The following GRID2IP variants were observed in gnomAD, a reference collection of about 807,000 sequenced individuals.
GRID2IP encodes the protein Grid2 interacting protein, also known as delphilin.
GRID2IP carries 78 observed loss-of-function variants against 114.3 expected under a neutral mutation model. The ratio of observed to expected loss-of-function variants is 0.68; its 90% CI spans 0.57 to 0.82. The LOEUF is 0.82. Ranked by LOEUF, GRID2IP falls within the 40% of genes least tolerant of loss-of-function variation. The pLI is 0.00. For synonymous variants in GRID2IP, 809 were observed against 724.0 expected, an observed-to-expected ratio of 1.12 and a Z score of -1.89; for missense variants, 1,727 against 1,678.5, an observed-to-expected ratio of 1.03 and a Z score of -0.51.
At position 6,498,113 on chromosome 7, in the gene GRID2IP, G is replaced by A. The variant is rs1313053151; in HGVS notation, c.3515C>T (p.Thr1172Ile). The change falls in exon 21 of 22, where the codon ACC becomes ATC. Residue 1172 changes from threonine to isoleucine, a missense_variant. By Grantham distance (89) the Thr-to-Ile change is moderately conservative. Coordinates refer to ENST00000457091, the MANE Select transcript of GRID2IP (RefSeq NM_001145118.2). ...AAAGATGCCGAAGAAAGCCTCAGAG[G>A]TGGTGGCCTTGGAATCCTCCCCAAA... ...AFFGEDSKATTSEAFFGIFAE... is the reference protein window; with the variant it reads ...AFFGEDSKATISEAFFGIFAE... The A allele has an allele frequency of 1.3e-6, 2 of 1,551,724 alleles. No individual in the cohort carries two copies. The highest frequency in any genetic ancestry group is 1.7e-6 in the Non-Finnish European group (2 of 1,146,978).
intron 7 of GRID2IP, among the ~76,000 whole-genome samples, chr7:6,517,104 G>C (rs1464130238): frequency 1.3e-5 from 2 of 151,054 alleles, no homozygotes; most frequent in African/African-American, 2.4e-5. Context: ...ACCCAGGCTG[G>C]AGTGCAGTGG....
chr7:6,531,681 G>C (rs1469230269), intron 2 of GRID2IP, among the ~76,000 whole-genome samples: 1 of 152,230 alleles, frequency 6.6e-6, no homozygotes, highest in African/African-American at 2.4e-5. Flanking sequence ...GGCTGTGGCC[G>C]AGAAGAGGCT....
intron 1 of GRID2IP, among the ~76,000 whole-genome samples, chr7:6,548,437 T>C (rs763690624): frequency 1.3e-5 from 2 of 152,186 alleles, no homozygotes; most frequent in African/African-American, 2.4e-5. Context: ...TACCCCATTC[T>C]CCATGACATG....
At chr7:6,503,245 G>A (rs2115353720) in intron 16 of GRID2IP, 82 bp from the exon 17 acceptor site, 2 of 1,124,340 alleles carry the variant, frequency 1.8e-6, no homozygotes, top group Non-Finnish European at 2.5e-6. Flanking sequence ...GTGGGAGGGG[G>A]GGATCTGCTG....
rs1424473609 is a variant in GRID2IP, at chr7:6,526,886, A to C, written c.585-117T>G. 1.4e-5 allele frequency: 17 copies of C among 1,177,176 alleles called. No individual in the cohort carries two copies. The highest frequency in any genetic ancestry group is 1.6e-5 in the Non-Finnish European group (14 of 901,242). 72.9% of individuals were successfully genotyped at this position (1,177,176 alleles called of 1,614,324 possible). A position where few individuals can be genotyped will look rare whatever the true frequency, so the allele number is the denominator to read the frequency against. On this transcript the variant is annotated intron_variant, in intron 2 of 21. Coordinates refer to ENST00000457091, the MANE Select transcript of GRID2IP (RefSeq NM_001145118.2). This position sits in a 1 kb window ranked among gnomAD's most constrained non-coding sequence, Gnocchi z 7.6. The stretch of plus-strand genomic sequence containing the variant: ...CTAGGCTCTCCCACCTCTTCCTAGG[A>C]GTGGCGGAGGGCTGGGGGGATCGGG...
At chr7:6,546,125 C>A (rs1779884514) in intron 1 of GRID2IP, among the ~76,000 whole-genome samples, 1 of 151,660 alleles carries the variant, frequency 6.6e-6, no homozygotes, top group African/African-American at 2.4e-5. Flanking sequence ...AAAACTGGGG[C>A]AGGCAGAAAG....
rs1166364717 is a variant in GRID2IP, at chr7:6,503,069, T to C, written c.3002A>G (p.Glu1001Gly). The C allele has an allele frequency of 6.4e-7, 1 of 1,551,420 alleles. No individual in the cohort carries two copies. Among genetic ancestry groups the C allele is most frequent in the African/African-American group, 1.4e-5 (1 of 73,064 alleles). ...CTCCAGGGAGGCCTGGCGCAAGCAT[T>C]CAAGGCTGCCTCGGATCTCCTCTGT... ...EKTEEIRGSL[E>G]CLRQASLELK... Residue 1001 changes from glutamate (E) to glycine (G), a missense_variant, in exon 17 of 22, where the codon GAA (glutamate) becomes GGA (glycine). Coordinates refer to ENST00000457091, the MANE Select transcript of GRID2IP (RefSeq NM_001145118.2).
intron 1 of GRID2IP, among the ~76,000 whole-genome samples, chr7:6,543,184 T>G (rs1278386993): frequency 6.6e-6 from 1 of 152,144 alleles, no homozygotes; most frequent in East Asian, 1.9e-4. Context: ...CATCTGAAGT[T>G]AGGAGTTCGA....
At position 6,516,385 on chromosome 7, in the gene GRID2IP, T is replaced by G. The variant is rs1779299903; in HGVS notation, c.1269-1856A>C. 6.6e-6 allele frequency among the ~76,000 whole-genome samples: 1 copy of G among 152,218 alleles called. No homozygotes were observed. The highest frequency in any genetic ancestry group is 1.5e-5 in the Non-Finnish European group (1 of 68,040). ...TTTATTCCAATATTATAATAATCTT[T>G]GTCCTACAATTATAACCTAGGAGAA... On this transcript the variant is annotated intron_variant, in intron 7 of 21. Transcript: ENST00000457091. This position sits in a 1 kb window ranked among gnomAD's most constrained non-coding sequence, Gnocchi z 4.3.
rs1452997126 is a variant in GRID2IP at position 6,548,095 on chromosome 7, T to C, written c.429+2913A>G. Among the ~76,000 whole-genome samples the C allele has an allele frequency of 1.3e-5, 2 of 152,194 alleles. 1 individual carries two copies. The highest frequency in any genetic ancestry group is 2.9e-5 in the Non-Finnish European group (2 of 68,032). ...GGCCAGGTGCAGTAGCTCACACCTG[T>C]AATTCCAGCACTTTTGGAAGGCCGA... On this transcript the variant is annotated intron_variant, in intron 1 of 21. Transcript: ENST00000457091.
At chr7:6,538,987 A>C (rs2115096111) in intron 2 of GRID2IP, among the ~76,000 whole-genome samples, 1 of 151,968 alleles carries the variant, frequency 6.6e-6, no homozygotes, top group South Asian at 2.1e-4. Context: ...TCGAGGGGGT[A>C]CTGGAGCCCC....
At chr7:6,548,857 A>G (rs1349251698) in intron 1 of GRID2IP, among the ~76,000 whole-genome samples, 1 of 151,874 alleles carries the variant, frequency 6.6e-6, no homozygotes, top group Non-Finnish European at 1.5e-5. Flanking sequence ...AAAAAAAAAA[A>G]AAGTCTATGA....
chr7:6,500,692 AC>A (rs1469150835), intron 20 of GRID2IP, among the ~76,000 whole-genome samples: 1 of 152,250 alleles, frequency 6.6e-6, no homozygotes, highest in African/African-American at 2.4e-5. Context: ...TGCCCTGGCC[AC>A]AGGCACAGCC....
intron 2 of GRID2IP, among the ~76,000 whole-genome samples, chr7:6,533,391 C>G (rs1300690583): frequency 6.6e-6 from 1 of 152,174 alleles, no homozygotes; most frequent in East Asian, 1.9e-4. Flanking sequence ...CAGAGTCTCA[C>G]TCTGTCACCC....
At chr7:6,535,519 C>T (rs952305949) in intron 2 of GRID2IP, among the ~76,000 whole-genome samples, 3 of 152,114 alleles carry the variant, frequency 2.0e-5, no homozygotes, top group African/African-American at 4.8e-5. Flanking sequence ...GACACACACA[C>T]ACGTGTATAT....
chr7:6,525,985 T>C (rs1004188436), intron 4 of GRID2IP, among the ~76,000 whole-genome samples: 1 of 151,912 alleles, frequency 6.6e-6, no homozygotes, highest in Non-Finnish European at 1.5e-5. Context: ...GGGGCAGGGG[T>C]GGGGTGCCCC....
chr7:6,514,533 G>C lies in GRID2IP; in HGVS notation c.1269-4C>G. ...AACGATGAGGGTGTCGATGTTCCTG[G>C]GGGAAGGTGCAGGAATGTGAGGCTC... is the stretch of plus-strand genomic sequence containing the variant. On this transcript the variant is annotated splice_polypyrimidine_tract_variant and splice_region_variant and intron_variant, in intron 7 of 21. Transcript: ENST00000457091. The C allele has an allele frequency of 6.6e-7, 1 of 1,513,344 alleles. No homozygotes were observed. Among genetic ancestry groups the C allele is most frequent in the Admixed American group, 2.1e-5 (1 of 48,182 alleles). The allele number at this position is 1,513,344 out of a possible 1,614,324, so 93.7% of individuals were successfully genotyped here.
At position 6,503,677 on chromosome 7, in the gene GRID2IP, C is replaced by T; in HGVS notation, c.2721G>A (p.Leu907=). The change falls in exon 16 of 22, where the codon TTG becomes TTA. Residue 907 remains leucine (L), a synonymous_variant. Transcript: ENST00000457091. The part of the protein sequence containing the change: ...HKKAYNTSIL[L]AHLKLSPAEL... Reference sequence around the variant, plus strand: ...CCGCGGGGCTCAGCTTCAGGTGTGCCAAGAGGATGGCTGCGGGCGGGGCGG... The same window carrying T: ...CCGCGGGGCTCAGCTTCAGGTGTGCTAAGAGGATGGCTGCGGGCGGGGCGG... 6.8e-7 allele frequency: 1 copy of T among 1,470,602 alleles called. No individual in the cohort carries two copies. The highest frequency in any genetic ancestry group is 9.0e-7 in the Non-Finnish European group (1 of 1,112,950). 91.1% of individuals were successfully genotyped at this position (1,470,602 alleles called of 1,614,324 possible).
chr7:6,508,836 G>C lies in GRID2IP; in HGVS notation c.2127+122C>G, dbSNP rs1786674164. The C allele has an allele frequency of 4.2e-6, 6 of 1,414,296 alleles. No homozygotes were observed. Among genetic ancestry groups the C allele is most frequent in the Non-Finnish European group, 5.6e-6 (6 of 1,070,614 alleles). 87.6% of individuals were successfully genotyped at this position (1,414,296 alleles called of 1,614,324 possible). On this transcript the variant is annotated intron_variant, in intron 12 of 21. Coordinates refer to ENST00000457091, the MANE Select transcript of GRID2IP (RefSeq NM_001145118.2). The surrounding 1 kb of genome is among the most constrained non-coding windows in gnomAD (Gnocchi z 5.6). ...GTGGGATAGCTTGAGCTAGGGAGTG[G>C]GATAGCCTGGGGAAGATCCCAAGGG...
Sources: gnomAD v4.1 joint callset for allele counts (sites outside exome capture counted in the v4.1 genomes callset) on GRCh38, gnomAD v4.1.1 for gene constraint, Gnocchi (gnomAD v3.1) non-coding constraint, MANE v1.5 for transcripts, NCBI Gene and HGNC (gene_info 2026-07-23, HGNC 2026-07-21) for gene names.